Variants in CACNA1A observed in about 807,000 individuals in gnomAD.
CACNA1A encodes calcium voltage-gated channel subunit alpha1 A, also known as voltage-dependent P/Q-type calcium channel subunit alpha-1A.
A neutral mutation model predicts 262.4 loss-of-function variants in CACNA1A; 57 were observed. The ratio of observed to expected loss-of-function variants is 0.22; its 90% CI spans 0.18 to 0.27. CACNA1A has a LOEUF of 0.27. Ranked by LOEUF, CACNA1A falls within the 10% of genes least tolerant of loss-of-function variation. The probability of loss-of-function intolerance (pLI) is 1.00; values close to 1 mark genes in which losing one functional copy is unlikely to be tolerated. For missense variants in CACNA1A, 2,526 were observed against 3,562.8 expected (o/e 0.71, Z 7.41); for synonymous variants, 1,431 against 1,419.3 (o/e 1.01, Z -0.18).
At chr19:13,232,110 T>G (rs570120426) in intron 34 of CACNA1A, among the ~76,000 whole-genome samples, 1 of 152,274 alleles carries the variant, frequency 6.6e-6, no homozygotes, top group African/African-American at 2.4e-5. Flanking sequence ...TTGGATTCAG[T>G]TGGTCTAGGG....
At chr19:13,219,062 T>TC (rs1445241413) in intron 38 of CACNA1A, among the ~76,000 whole-genome samples, 1 of 110,826 alleles carries the variant, frequency 9.0e-6, no homozygotes, top group African/African-American at 3.7e-5. Context: ...TTTTTTTTTT[T>TC]CTAATAGAGT....
chr19:13,324,105 G>A (rs771174567), intron 10 of CACNA1A, among the ~76,000 whole-genome samples: 18 of 152,148 alleles, frequency 1.2e-4, no homozygotes, highest in Non-Finnish European at 2.4e-4. Flanking sequence ...CAGAACTGGA[G>A]GACATTATAC....
chr19:13,395,522 G>C (rs1283516719), intron 3 of CACNA1A, among the ~76,000 whole-genome samples: 1 of 150,254 alleles, frequency 6.7e-6, no homozygotes, highest in Non-Finnish European at 1.5e-5. Flanking sequence ...TGAGGCAGGA[G>C]AATCATTTGA....
intron 3 of CACNA1A, among the ~76,000 whole-genome samples, chr19:13,372,821 AC>A (rs1256910445): frequency 1.2e-4 from 18 of 152,176 alleles, no homozygotes; most frequent in African/African-American, 4.3e-4. Flanking sequence ...GCAGCTACAG[AC>A]CCCAAGCCTC....
intron 3 of CACNA1A, among the ~76,000 whole-genome samples, chr19:13,444,516 C>T (rs1427131239): frequency 6.6e-6 from 1 of 152,080 alleles, no homozygotes; most frequent in Non-Finnish European, 1.5e-5. Flanking sequence ...CCCTCTGAGA[C>T]TTGGTTTCCT....
chr19:13,402,777 TACATATATATACATATATACAC>T (rs1221095450), intron 3 of CACNA1A, among the ~76,000 whole-genome samples: 1 of 133,462 alleles, frequency 7.5e-6, no homozygotes, highest in African/African-American at 2.8e-5. Context: ...TACATATATA[TACATATATATACATATATACAC>T]ACATATATAT....
intron 23 of CACNA1A, among the ~76,000 whole-genome samples, chr19:13,276,302 A>C (rs1253459985): frequency 8.6e-5 from 13 of 151,658 alleles, no homozygotes. Context: ...TCCACTTCTC[A>C]CCTCTTCTTT....
intron 3 of CACNA1A, among the ~76,000 whole-genome samples, chr19:13,377,588 C>A (rs2059442467): frequency 6.6e-6 from 1 of 151,224 alleles, no homozygotes; most frequent in Non-Finnish European, 1.5e-5. Flanking sequence ...GTCTTGAACT[C>A]CTGACCTCAA....
chr19:13,255,406 C>G, intron 28 of CACNA1A, 147 bp from the exon 29 acceptor site: 1 of 696,850 alleles, frequency 1.4e-6, no homozygotes, highest in Non-Finnish European at 2.3e-6. Context: ...TTCCTGGGCT[C>G]TCTCTTCCTT....
At chr19:13,311,158 T>C (rs539610637) in intron 12 of CACNA1A, among the ~76,000 whole-genome samples, 5 of 152,304 alleles carry the variant, frequency 3.3e-5, no homozygotes, top group East Asian at 3.9e-4. Flanking sequence ...GGTGTGATCA[T>C]AGCTCACTGC....
intron 3 of CACNA1A, among the ~76,000 whole-genome samples, chr19:13,403,715 T>C (rs886499970): frequency 2.6e-5 from 4 of 151,970 alleles, no homozygotes; most frequent in African/African-American, 7.3e-5. Context: ...GTGGGGGGAT[T>C]GCTTGAACCT....
intron 26 of CACNA1A, chr19:13,260,136 T>C (rs1375610930): frequency 6.3e-6 from 1 of 158,114 alleles, no homozygotes; most frequent in African/African-American, 2.4e-5. Flanking sequence ...TCCAGACTCC[T>C]ATCCAGACAT....
At chr19:13,488,013 C>T (rs1382590949) in intron 1 of CACNA1A, among the ~76,000 whole-genome samples, 1 of 152,118 alleles carries the variant, frequency 6.6e-6, no homozygotes, top group East Asian at 1.9e-4. Context: ...CTCCTGGCTT[C>T]AAGCAATCCT....
rs2056511794 is a variant in CACNA1A, at chr19:13,255,154, G to A, written c.4696C>T (p.Pro1566Ser). ...ATGGCCATGATCGTGTACTCGAAAG[G>A]CGGAGACACCACGAACTGCCACATG... ...YRMWQFVVSP[P>S]FEYTIMAMIA... The change falls in exon 29 of 47, where the codon CCT becomes TCT. Residue 1566 changes from proline (P) to serine (S), a missense_variant. Around this residue, in one of 17 missense-constraint regions of CACNA1A, gnomAD observed 36 missense variants for 47.3 expected, o/e 0.76. Coordinates refer to ENST00000360228, the MANE Select transcript of CACNA1A (RefSeq NM_001127222.2). 1 of 1,613,800 alleles carries A rather than the reference G, an allele frequency of 6.2e-7. No individual in the cohort carries two copies. The highest frequency in any genetic ancestry group is 8.5e-7 in the Non-Finnish European group (1 of 1,179,870).
intron 1 of CACNA1A, among the ~76,000 whole-genome samples, chr19:13,483,051 G>C (rs1979543040): frequency 6.6e-6 from 1 of 152,010 alleles, no homozygotes; most frequent in African/African-American, 2.4e-5. Flanking sequence ...GTTTCCTACT[G>C]GGACCCTCTC....
At chr19:13,429,531 CAAAAAAAAAA>C (rs35308275) in intron 3 of CACNA1A, among the ~76,000 whole-genome samples, 3 of 57,216 alleles carry the variant, frequency 5.2e-5, no homozygotes, top group Non-Finnish European at 1.2e-4. Context: ...TCAAAGCGTC[CAAAAAAAAAA>C]AAAAAAAAAA....
intron 3 of CACNA1A, among the ~76,000 whole-genome samples, chr19:13,403,459 G>A (rs2144704695): frequency 6.6e-6 from 1 of 152,286 alleles, no homozygotes; most frequent in East Asian, 1.9e-4. Flanking sequence ...TCTGGTCCCT[G>A]GGTCTAGGAG....
At chr19:13,323,224 G>A (rs1303174671) in intron 10 of CACNA1A, among the ~76,000 whole-genome samples, 4 of 152,034 alleles carry the variant, frequency 2.6e-5, no homozygotes, top group Admixed American at 2.6e-4. Flanking sequence ...ACAACACTGC[G>A]CTCCAGCTTG....
intron 3 of CACNA1A, among the ~76,000 whole-genome samples, chr19:13,448,084 A>G (rs76408027): frequency 9.8e-6 from 1 of 102,408 alleles, no homozygotes; most frequent in African/African-American, 6.3e-5. Context: ...GTTATTATGA[A>G]AAAAAAAAAA....
Sources: allele counts gnomAD v4.1 joint callset (sites outside exome capture counted in the v4.1 genomes callset), GRCh38; gene constraint gnomAD v4.1.1; regional missense constraint gnomAD v4.1.1; transcripts MANE v1.5; gene names NCBI Gene and HGNC (gene_info 2026-07-23, HGNC 2026-07-21).